Variants in KIF27 observed in about 807,000 individuals in gnomAD.
KIF27 encodes kinesin family member 27.
Under a neutral mutation model 141.8 loss-of-function variants are expected in KIF27, and 84 were observed. The observed-to-expected ratio is 0.59, with a 90% CI of 0.50 to 0.71. The LOEUF (loss-of-function observed/expected upper bound fraction) is 0.71. Among genes scored for constraint, KIF27 ranks in the 30% least tolerant of loss-of-function variants. The probability of loss-of-function intolerance (pLI) is 0.00; values close to 1 mark genes in which losing one functional copy is unlikely to be tolerated. For missense variants in KIF27, 1,306 were observed against 1,628.4 expected (o/e 0.80, Z 3.41); for synonymous variants, 471 against 569.5 (o/e 0.83, Z 2.46).
intron 14 of KIF27, among the ~76,000 whole-genome samples, 177 bp from the exon 15 acceptor site, chr9:83,854,012 T>C (rs1948905909): frequency 6.6e-6 from 1 of 152,236 alleles, no homozygotes; most frequent in South Asian, 2.1e-4. Flanking sequence ...TGTATACATG[T>C]GTGTATACAC....
chr9:83,904,356 A>G (rs1272992656), intron 3 of KIF27, among the ~76,000 whole-genome samples: 1 of 151,784 alleles, frequency 6.6e-6, no homozygotes, highest in African/African-American at 2.4e-5. Flanking sequence ...TTTGATTTGT[A>G]AAGCCTAATA....
intron 13 of KIF27, among the ~76,000 whole-genome samples, chr9:83,860,883 A>ATTTT (rs10648187): frequency 9.2e-4 from 132 of 142,964 alleles, no homozygotes; most frequent in African/African-American, 3.2e-3. Flanking sequence ...TTGATGGGAG[A>ATTTT]TTTTTTTTTT....
At position 83,903,585 on chromosome 9, in the gene KIF27, C is replaced by G. The variant is rs548369061; in HGVS notation, c.933G>C (p.Lys311Asn). The G allele has an allele frequency of 6.2e-7, 1 of 1,614,170 alleles. No individual in the cohort carries two copies. The highest frequency in any genetic ancestry group is 8.5e-7 in the Non-Finnish European group (1 of 1,180,020). The change falls in exon 4 of 18, where the codon AAG becomes AAC. Residue 311 changes from lysine to asparagine, a missense_variant. This residue lies in a region of KIF27 where 533 missense variants were observed against 565.6 expected (regional missense o/e 0.94). Coordinates refer to ENST00000297814, the MANE Select transcript of KIF27 (RefSeq NM_017576.4). ...GGCTGACACATGTGATCATGACAGT[C>G]TTAGCACTGCCTCCCAGAGAATCTT... ...LLKDSLGGSA[K>N]TVMITCVSPS...
At chr9:83,897,998 G>A (rs1477750559) in intron 5 of KIF27, among the ~76,000 whole-genome samples, 5 of 152,186 alleles carry the variant, frequency 3.3e-5, no homozygotes, top group African/African-American at 1.2e-4. Flanking sequence ...TAGTGAGAAT[G>A]CTGGGTGGGA....
intron 12 of KIF27, among the ~76,000 whole-genome samples, chr9:83,869,066 G>A (rs77066539): frequency 0.13 from 20,193 of 151,836 alleles, 1,399 homozygotes; most frequent in African/African-American, 0.14. Context: ...ATGAATAAGA[G>A]ATTCTTTTTA....
intron 13 of KIF27, among the ~76,000 whole-genome samples, chr9:83,860,464 A>G (rs907465649): frequency 6.6e-6 from 1 of 152,208 alleles, no homozygotes; most frequent in African/African-American, 2.4e-5. Flanking sequence ...TTCTCCCAAT[A>G]TAAGTTACAT....
rs187936343 is a variant in KIF27, at chr9:83,869,676, G to A, written c.2757+843C>T. Among the ~76,000 whole-genome samples the A allele has an allele frequency of 3.5e-3, 536 of 152,206 alleles. 2 individuals are homozygous for A. Among genetic ancestry groups the A allele is most frequent in the African/African-American group, 0.012 (490 of 41,542 alleles). On this transcript the variant is annotated intron_variant, in intron 12 of 17. Transcript: ENST00000297814. Reference sequence around the variant, plus strand: ...CGGGAGGCGGAGCTTGCAGTGAGCTGAGATCATGCCACAGCACTCCAGCCT... The same window carrying A: ...CGGGAGGCGGAGCTTGCAGTGAGCTAAGATCATGCCACAGCACTCCAGCCT...
chr9:83,856,803 G>A (rs999334668), intron 14 of KIF27, among the ~76,000 whole-genome samples: 4 of 150,764 alleles, frequency 2.7e-5, no homozygotes, highest in East Asian at 1.9e-4. Flanking sequence ...CCAGCTACTG[G>A]GGAGGCTGAG....
At chr9:83,890,559 T>A (rs751772591) in intron 6 of KIF27, among the ~76,000 whole-genome samples, 1 of 152,208 alleles carries the variant, frequency 6.6e-6, no homozygotes, top group African/African-American at 2.4e-5. Context: ...GAAAACCAAA[T>A]GTCCAGAGCT....
chr9:83,849,629 G>T (rs987533645), intron 16 of KIF27: 14 of 160,180 alleles, frequency 8.7e-5, no homozygotes, highest in African/African-American at 3.1e-4. Flanking sequence ...TTTGACCCAA[G>T]ATATTACTTT....
At chr9:83,894,179 G>A (rs1952946038) in intron 5 of KIF27, among the ~76,000 whole-genome samples, 1 of 152,088 alleles carries the variant, frequency 6.6e-6, no homozygotes, top group South Asian at 2.1e-4. Context: ...ATTTAAGAAA[G>A]AAATAATACC....
chr9:83,920,767 A>G (rs182646065), intron 1 of KIF27, among the ~76,000 whole-genome samples: 40 of 152,278 alleles, frequency 2.6e-4, no homozygotes, highest in African/African-American at 9.6e-4. Flanking sequence ...TGCTCTTTAT[A>G]GTCACCTGCC....
chr9:83,866,939 AT>A, intron 13 of KIF27, among the ~76,000 whole-genome samples: 1 of 150,766 alleles, frequency 6.6e-6, no homozygotes, highest in East Asian at 1.9e-4. Flanking sequence ...TCAATTTTAT[AT>A]TTTATTCACC....
chr9:83,875,247 T>C (rs1951120318), intron 11 of KIF27, among the ~76,000 whole-genome samples: 1 of 152,160 alleles, frequency 6.6e-6, no homozygotes, highest in Non-Finnish European at 1.5e-5. Flanking sequence ...AAAGATATAC[T>C]CTGAAGGCTT....
rs1945786023 is a variant in KIF27 at position 83,835,977 on chromosome 9, GTTC to G, written c.*1021_*1023del. On this transcript the variant is annotated 3_prime_UTR_variant, in exon 18 of 18. Transcript: ENST00000297814. ...CTACATTTGGTGTGCAAACTGTTTA[GTTC>G]TTAATTCCAAACTAAATTGTACATT... is the stretch of plus-strand genomic sequence containing the variant. 6.6e-6 allele frequency among the ~76,000 whole-genome samples: 1 copy of G among 152,024 alleles called. No homozygotes were observed. The highest frequency in any genetic ancestry group is 1.5e-5 in the Non-Finnish European group (1 of 67,986).
intron 4 of KIF27, among the ~76,000 whole-genome samples, chr9:83,900,590 C>T (rs1270131511): frequency 6.8e-6 from 1 of 147,738 alleles, no homozygotes; most frequent in East Asian, 2.0e-4. Flanking sequence ...GGGTATCTAC[C>T]CAGAAGAAAA....
chr9:83,913,135 A>G (rs1955344943), intron 2 of KIF27, among the ~76,000 whole-genome samples: 1 of 152,166 alleles, frequency 6.6e-6, no homozygotes, highest in Admixed American at 6.6e-5. Flanking sequence ...ACTGCACTCC[A>G]GCCAGGGTGA....
intron 15 of KIF27, among the ~76,000 whole-genome samples, chr9:83,850,783 C>CAAAAAA (rs1006584677): frequency 8.9e-6 from 1 of 112,030 alleles, no homozygotes; most frequent in African/African-American, 3.3e-5. Context: ...AACTCTGTCT[C>CAAAAAA]AAAAAAAAAG....
Position 83,870,544 on chromosome 9 carries a change from G to C in KIF27, c.2732C>G (p.Ser911Trp). Residue 911 changes from serine to tryptophan, a missense_variant, in exon 12 of 18, where the codon TCG becomes TGG. By Grantham distance (177) the Ser-to-Trp change is radical (BLOSUM62 -3). This residue lies in a region of KIF27 where 596 missense variants were observed against 751.6 expected (regional missense o/e 0.79). Coordinates refer to ENST00000297814, the MANE Select transcript of KIF27 (RefSeq NM_017576.4). ...DACNLKRRKG[S>W]FGSIDHLQKL... ...CTGGAGATGGTCTATACTTCCAAAC[G>C]AACCTTTTCTCCTTTTCAAGTTACA... is the stretch of plus-strand genomic sequence containing the variant. 1.2e-6 allele frequency: 2 copies of C among 1,613,734 alleles called. No individual in the cohort carries two copies. Among genetic ancestry groups the C allele is most frequent in the Non-Finnish European group, 8.5e-7 (1 of 1,179,812 alleles).
Sources: gnomAD v4.1 joint callset for allele counts (sites outside exome capture counted in the v4.1 genomes callset) on GRCh38, gnomAD v4.1.1 for gene constraint, gnomAD v4.1.1 regional missense constraint, MANE v1.5 for transcripts, NCBI Gene and HGNC (gene_info 2026-07-23, HGNC 2026-07-21) for gene names.